Variants in KRT84 observed in about 807,000 individuals in gnomAD.
KRT84 encodes keratin 84, also known as keratin, type II cuticular Hb4.
KRT84 carries 38 observed loss-of-function variants against 49.0 expected under a neutral mutation model. That is an observed-to-expected ratio of 0.78 (90% CI 0.60 to 1.02). The LOEUF is 1.02. Ranked by LOEUF, KRT84 falls within the 50% of genes least tolerant of loss-of-function variation. KRT84 has a pLI of 0.00. For missense variants in KRT84, 860 were observed against 788.6 expected (o/e 1.09, Z -1.08); for synonymous variants, 334 against 312.8 (o/e 1.07, Z -0.72).
chr12:52,380,025 G>C, intron 7 of KRT84, 118 bp from the exon 8 acceptor site: 1 of 858,860 alleles, frequency 1.2e-6, no homozygotes, highest in East Asian at 2.6e-5. Context: ...CTCACCCCTG[G>C]TTATACACAC....
At position 52,381,190 on chromosome 12, in the gene KRT84, C is replaced by T; in HGVS notation, c.1093G>A (p.Val365Met). ...WYQTKYEEMQ[V>M]TAGQHCDNLR... ...TTGTCACAGTGTTGGCCAGCTGTCACCTGCATCTCTTCATACTGCGGAGAG... is the reference window on the plus strand; with the variant it reads ...TTGTCACAGTGTTGGCCAGCTGTCATCTGCATCTCTTCATACTGCGGAGAG... Residue 365 changes from valine (V) to methionine (M), a missense_variant, in exon 6 of 9, where the codon GTG becomes ATG. Val to Met is a conservative substitution (Grantham distance 21). Transcript: ENST00000257951. 6.2e-7 allele frequency: 1 copy of T among 1,614,178 alleles called. No homozygotes were observed. Among genetic ancestry groups the T allele is most frequent in the Non-Finnish European group, 8.5e-7 (1 of 1,180,034 alleles).
chr12:52,378,453 A>G (rs889761426), intron 8 of KRT84, 73 bp from the exon 9 acceptor site: 9 of 1,250,076 alleles, frequency 7.2e-6, no homozygotes, highest in South Asian at 1.7e-5. Context: ...CCTGGGCTGC[A>G]CCTCCGGGTC....
chr12:52,378,481 G>A, intron 8 of KRT84, 101 bp from the exon 9 acceptor site: 1 of 894,982 alleles, frequency 1.1e-6, no homozygotes, highest in Middle Eastern at 3.6e-4. Context: ...GAGGGAGTGG[G>A]GTCAGGGTTG....
At chr12:52,383,545 C>A (rs1191575413) in intron 2 of KRT84, 45 bp downstream of exon 2, 1 of 1,555,840 alleles carries the variant, frequency 6.4e-7, no homozygotes, top group African/African-American at 1.4e-5. Flanking sequence ...ATTCTGGGGC[C>A]AGGCCTGGCC....
At chr12:52,383,461 C>CAA in intron 2 of KRT84, 129 bp downstream of exon 2, 1 of 632,766 alleles carries the variant, frequency 1.6e-6, no homozygotes. Context: ...CCACCCCCAC[C>CAA]TCCCCAGGCT....
At chr12:52,381,289 C>T in intron 5 of KRT84, 72 bp downstream of exon 5, 1 of 1,610,528 alleles carries the variant, frequency 6.2e-7, no homozygotes, top group Non-Finnish European at 8.5e-7. Flanking sequence ...TCAAACCTCC[C>T]TGGGCCTGAT....
In KRT84 at chr12:52,378,327, C is replaced by G. The variant is rs572134090; in HGVS notation, c.1510G>C (p.Gly504Arg). 6.5e-7 allele frequency: 1 copy of G among 1,527,350 alleles called. No homozygotes were observed. The highest frequency in any genetic ancestry group is 8.8e-7 in the Non-Finnish European group (1 of 1,140,684). The allele number at this position is 1,527,350 out of a possible 1,614,324, so 94.6% of individuals were successfully genotyped here. A position where few individuals can be genotyped will look rare whatever the true frequency, so the allele number is the denominator to read the frequency against. Reference sequence around the variant, plus strand: ...ACCCCGCCGCGGGAGAGGGTGGAGCCGGCAACCAAAGGCTCAGGCCCGCAC... The same window carrying G: ...ACCCCGCCGCGGGAGAGGGTGGAGCGGGCAACCAAAGGCTCAGGCCCGCAC... ...LVCGPEPLVA[G>R]STLSRGGVTF... The change falls in exon 9 of 9, where the codon GGC (glycine) becomes CGC (arginine). Residue 504 changes from glycine (G) to arginine (R), a missense_variant. Physicochemically the swap from Gly to Arg is moderately radical, Grantham distance 125. Transcript: ENST00000257951.
chr12:52,386,482 A>G (rs930183408), upstream of KRT84, among the ~76,000 whole-genome samples: 1 of 150,712 alleles, frequency 6.6e-6, no homozygotes, highest in Non-Finnish European at 1.5e-5. Context: ...TCCGCCTCCC[A>G]GATAGCTGGG....
intron 3 of KRT84, 84 bp from the exon 4 acceptor site, chr12:52,382,616 G>A (rs1176981543): frequency 4.6e-6 from 5 of 1,081,860 alleles, no homozygotes; most frequent in Non-Finnish European, 7.0e-6. Flanking sequence ...GGTGCAAAGA[G>A]GCAGCCACTT....
At position 52,382,658 on chromosome 12, in the gene KRT84, G is replaced by A. The variant is rs182776697; in HGVS notation, c.817-126C>T. 4.4e-3 allele frequency: 3,149 copies of A among 721,118 alleles called. 10 individuals are homozygous for A. Among genetic ancestry groups the A allele is most frequent in the Non-Finnish European group, 6.1e-3 (2,588 of 425,600 alleles). The allele number at this position is 721,118 out of a possible 1,614,324, so 44.7% of individuals were successfully genotyped here. On this transcript the variant is annotated intron_variant, in intron 3 of 8. Coordinates refer to ENST00000257951, the MANE Select transcript of KRT84 (RefSeq NM_033045.4). ...GATGGTAAGGTCGCTGGGTAGAAGT[G>A]AAGCTCAGCAACTTTTGCTCATTTC... is the stretch of plus-strand genomic sequence containing the variant.
chr12:52,380,687 G>T lies in KRT84; in HGVS notation c.1204-104C>A, dbSNP rs558661597. The T allele has an allele frequency of 1.0e-5, 12 of 1,193,648 alleles. No individual in the cohort carries two copies. The African/African-American group carries it at 1.7e-4, about 17-fold the overall frequency. The allele number at this position is 1,193,648 out of a possible 1,614,324, so 73.9% of individuals were successfully genotyped here. A position where few individuals can be genotyped will look rare whatever the true frequency, so the allele number is the denominator to read the frequency against. ...TAGTGGGAACATAGCCTGGGGCCAAGGCAGGGATGGACCCCATGGTGGCTG... is the reference window on the plus strand; with the variant it reads ...TAGTGGGAACATAGCCTGGGGCCAATGCAGGGATGGACCCCATGGTGGCTG... On this transcript the variant is annotated intron_variant, in intron 6 of 8. Transcript: ENST00000257951.
In KRT84 at chr12:52,385,249, T is replaced by C; in HGVS notation, c.337A>G (p.Ile113Val). The change falls in exon 1 of 9, where the codon ATT becomes GTT. Residue 113 changes from isoleucine to valine, a missense_variant. Coordinates refer to ENST00000257951, the MANE Select transcript of KRT84 (RefSeq NM_033045.4). Reference sequence around the variant, plus strand: ...CCAGGGCCACCAAAGCCATAGCCAATGCCACTGCCAGCTCCAAAGCCCAGA... The same window carrying C: ...CCAGGGCCACCAAAGCCATAGCCAACGCCACTGCCAGCTCCAAAGCCCAGA... ...VGLGFGAGSGIGYGFGGPGFG... is the reference protein window; with the variant it reads ...VGLGFGAGSGVGYGFGGPGFG... 1 of 1,614,018 alleles carries C rather than the reference T, an allele frequency of 6.2e-7. No individual in the cohort carries two copies. Among genetic ancestry groups the C allele is most frequent in the East Asian group, 2.2e-5 (1 of 44,864 alleles).
chr12:52,380,661 T>C (rs1425177419), intron 6 of KRT84, 78 bp from the exon 7 acceptor site: 14 of 1,404,096 alleles, frequency 1.0e-5, no homozygotes, highest in Non-Finnish European at 1.3e-5. Flanking sequence ...ACGGCCCCTC[T>C]TAGTGGGAAC....
At position 52,385,347 on chromosome 12, in the gene KRT84, C is replaced by T; in HGVS notation, c.239G>A (p.Gly80Asp). Residue 80 changes from glycine (G) to aspartate (D), a missense_variant, in exon 1 of 9, where the codon GGT becomes GAT. Transcript: ENST00000257951. Reference protein sequence around the residue: ...SRPIHCGVRFGAGCGMGFGDG... With the variant: ...SRPIHCGVRFDAGCGMGFGDG... ...ACCAAAACCCATCCCACAGCCAGCA[C>T]CAAAGCGGACTCCACAGTGGATGGG... is the stretch of plus-strand genomic sequence containing the variant. 6.2e-7 allele frequency: 1 copy of T among 1,614,194 alleles called. No individual in the cohort carries two copies. The highest frequency in any genetic ancestry group is 8.5e-7 in the Non-Finnish European group (1 of 1,180,052).
rs79144256 is a variant in KRT84 at position 52,383,689 on chromosome 12, G to A, written c.656C>T (p.Thr219Ile). The A allele has an allele frequency of 1.2e-6, 2 of 1,614,086 alleles. No homozygotes were observed. Among genetic ancestry groups the A allele is most frequent in the Admixed American group, 1.7e-5 (1 of 60,010 alleles). Residue 219 changes from threonine (T) to isoleucine (I), a missense_variant, in exon 2 of 9, where the codon ACC becomes ATC. By Grantham distance (89) the Thr-to-Ile change is moderately conservative. Transcript: ENST00000257951. ...NLEPLFESYI[T>I]NLRRQLEVLV... ...CACCTCCAACTGCCTCCGCAGGTTG[G>A]TGATGTAGCTCTCGAAGAGTGGCTC...
chr12:52,380,937 A>G, intron 6 of KRT84, 143 bp downstream of exon 6: 1 of 1,165,152 alleles, frequency 8.6e-7, no homozygotes, highest in Non-Finnish European at 1.2e-6. Flanking sequence ...TTTATCCTCC[A>G]GAAAGCCTTC....
rs1939547720 is a variant in KRT84 at position 52,384,986 on chromosome 12, A to C, written c.546+54T>G. On this transcript the variant is annotated intron_variant, in intron 1 of 8. Transcript: ENST00000257951. ...TTCTTTTTAAGGGAAAGAGCACTCT[A>C]GCGCATTTTGGCTGTAATATTCCTA... The C allele has an allele frequency of 6.6e-6, 10 of 1,523,478 alleles. No individual in the cohort carries two copies. The East Asian group carries it at 1.4e-4, about 21-fold the overall frequency. The allele number at this position is 1,523,478 out of a possible 1,614,324, so 94.4% of individuals were successfully genotyped here.
Position 52,380,381 on chromosome 12 carries a change from A to AGCAG in KRT84, c.1402_1405dup (p.Leu469ProfsTer11), listed in dbSNP as rs1320964331. The AGCAG allele has an allele frequency of 2.5e-6, 4 of 1,613,886 alleles. No individual in the cohort carries two copies. In the African/African-American group the frequency reaches 5.3e-5, roughly 22 times the overall value. ...TACTCACCGGCTCTCCTCGCCCTCC[A>AGCAG]GCAGGCGCCTGTAGGTGGCGATCTC... On this transcript the variant is annotated frameshift_variant, in exon 7 of 9. Transcript: ENST00000257951. LOFTEE classifies it low-confidence loss of function (END_TRUNC).
At chr12:52,382,322 G>A (rs923772493) in intron 4 of KRT84, 115 bp downstream of exon 4, 4 of 705,080 alleles carry the variant, frequency 5.7e-6, no homozygotes, top group African/African-American at 1.8e-5. Flanking sequence ...ATTTGAGTGA[G>A]AGGAAAGATA....
Sources: allele counts gnomAD v4.1 joint callset (sites outside exome capture counted in the v4.1 genomes callset), GRCh38; gene constraint gnomAD v4.1.1; transcripts MANE v1.5; gene names NCBI Gene and HGNC (gene_info 2026-07-23, HGNC 2026-07-21).